MYRIP: variants seen among roughly 807,000 people sequenced by gnomAD.
MYRIP encodes the protein rab effector MyRIP.
Under a neutral mutation model 98.0 loss-of-function variants are expected in MYRIP, and 49 were observed. The ratio of observed to expected loss-of-function variants is 0.50; its 90% CI spans 0.40 to 0.63. The LOEUF (loss-of-function observed/expected upper bound fraction) is 0.63. Among genes scored for constraint, MYRIP ranks in the 30% least tolerant of loss-of-function variants. The probability of loss-of-function intolerance (pLI) is 0.00; values close to 1 mark genes in which losing one functional copy is unlikely to be tolerated. For missense variants in MYRIP, 1,004 were observed against 1,058.2 expected (o/e 0.95, Z 0.71); for synonymous variants, 404 against 409.5 (o/e 0.99, Z 0.16).
intron 10 of MYRIP, among the ~76,000 whole-genome samples, chr3:40,199,827 A>G (rs1951503089): frequency 6.6e-6 from 1 of 152,058 alleles, no homozygotes; most frequent in South Asian, 2.1e-4. Context: ...ATAAAAATAA[A>G]GAGAAGACAA....
chr3:40,040,857 G>A (rs1947498570), intron 2 of MYRIP, among the ~76,000 whole-genome samples: 1 of 61,524 alleles, frequency 1.6e-5, no homozygotes. Flanking sequence ...GGGAGGGATA[G>A]CATTGGGAGA....
intron 3 of MYRIP, among the ~76,000 whole-genome samples, chr3:40,081,209 TG>T (rs1948471997): frequency 6.6e-6 from 1 of 152,186 alleles, no homozygotes; most frequent in South Asian, 2.1e-4. Context: ...TATATATTCA[TG>T]AATTTTTGAG....
Position 40,258,444 on chromosome 3 carries a change from A to T in MYRIP, c.*278A>T. On this transcript the variant is annotated 3_prime_UTR_variant, in exon 17 of 17. Transcript: ENST00000302541. Reference sequence around the variant, plus strand: ...CCAACAGCAGCGCTCCATGTTTAAGATACATATTTTCCCTGTTTGCTTTGC... The same window carrying T: ...CCAACAGCAGCGCTCCATGTTTAAGTTACATATTTTCCCTGTTTGCTTTGC... 2.4e-6 allele frequency: 1 copy of T among 413,436 alleles called. No individual in the cohort carries two copies. The highest frequency in any genetic ancestry group is 6.6e-5 in the South Asian group (1 of 15,186). The allele number at this position is 413,436 out of a possible 1,614,324, so 25.6% of individuals were successfully genotyped here.
At chr3:39,982,214 G>A (rs1945912670) in intron 2 of MYRIP, among the ~76,000 whole-genome samples, 1 of 152,178 alleles carries the variant, frequency 6.6e-6, no homozygotes, top group Non-Finnish European at 1.5e-5. Context: ...TAGTAGGTGG[G>A]TAAGTTTATC....
intron 8 of MYRIP, among the ~76,000 whole-genome samples, chr3:40,176,496 T>C (rs531953177): frequency 5.3e-5 from 8 of 152,264 alleles, no homozygotes; most frequent in African/African-American, 1.7e-4. Flanking sequence ...ATGCCTGTAA[T>C]CCTAGCACTT....
At chr3:40,066,775 G>A (rs773304454) in intron 3 of MYRIP, among the ~76,000 whole-genome samples, 1 of 152,152 alleles carries the variant, frequency 6.6e-6, no homozygotes, top group African/African-American at 2.4e-5. Flanking sequence ...GCAAATGAAT[G>A]ATTAAAATAT....
chr3:39,961,112 A>T (rs1945313963), intron 2 of MYRIP, among the ~76,000 whole-genome samples: 1 of 152,156 alleles, frequency 6.6e-6, no homozygotes, highest in Non-Finnish European at 1.5e-5. Flanking sequence ...TGCAAGTTGA[A>T]TTCTGGAAGG....
intron 7 of MYRIP, among the ~76,000 whole-genome samples, chr3:40,167,905 C>T (rs538282727): frequency 5.9e-5 from 9 of 152,198 alleles, no homozygotes; most frequent in Non-Finnish European, 7.3e-5. Flanking sequence ...AGCTTCCATG[C>T]TCTCTCTGTG....
intron 2 of MYRIP, among the ~76,000 whole-genome samples, chr3:40,002,272 T>C (rs1225796501): frequency 2.6e-5 from 4 of 152,188 alleles, no homozygotes; most frequent in Non-Finnish European, 5.9e-5. Context: ...TGGTGGCTCA[T>C]ACCTGTAAAC....
At chr3:40,175,186 C>A (rs1950724936) in intron 8 of MYRIP, among the ~76,000 whole-genome samples, 1 of 152,150 alleles carries the variant, frequency 6.6e-6, no homozygotes, top group African/African-American at 2.4e-5. Context: ...AGAGCTTCCA[C>A]TGTCCCAAAT....
chr3:40,194,665 T>C (rs964331098), intron 10 of MYRIP, among the ~76,000 whole-genome samples: 13 of 152,192 alleles, frequency 8.5e-5, no homozygotes, highest in Non-Finnish European at 1.3e-4. Flanking sequence ...TTCAGAATAA[T>C]TGATATCTCT....
At chr3:39,840,932 A>G (rs1941780089) in intron 1 of MYRIP, among the ~76,000 whole-genome samples, 1 of 152,084 alleles carries the variant, frequency 6.6e-6, no homozygotes, top group South Asian at 2.1e-4. Context: ...TCTGAAAATT[A>G]TGTGTCTTGG....
intron 1 of MYRIP, among the ~76,000 whole-genome samples, chr3:39,819,690 G>A (rs1211897682): frequency 1.3e-5 from 2 of 152,324 alleles, no homozygotes; most frequent in Non-Finnish European, 1.5e-5. Context: ...CACCACCAGA[G>A]GGTTAGTGAG....
chr3:40,102,673 G>A (rs965865260), intron 3 of MYRIP, among the ~76,000 whole-genome samples: 1 of 152,066 alleles, frequency 6.6e-6, no homozygotes, highest in African/African-American at 2.4e-5. Flanking sequence ...AGTGGTACAA[G>A]ATGTGATTTC....
chr3:39,890,181 C>T (rs1210186270), intron 1 of MYRIP, among the ~76,000 whole-genome samples: 2 of 151,606 alleles, frequency 1.3e-5, no homozygotes, highest in Non-Finnish European at 2.9e-5. Context: ...TTTTTTTTCC[C>T]CCATTTTCCT....
intron 1 of MYRIP, among the ~76,000 whole-genome samples, chr3:39,890,222 C>G (rs528919867): frequency 3.6e-4 from 54 of 152,034 alleles, no homozygotes; most frequent in African/African-American, 1.3e-3. Flanking sequence ...TCTTCATCTG[C>G]TGTTGCCACT....
At chr3:39,931,181 C>A (rs1944529007) in intron 2 of MYRIP, among the ~76,000 whole-genome samples, 1 of 151,956 alleles carries the variant, frequency 6.6e-6, no homozygotes, top group Non-Finnish European at 1.5e-5. Context: ...CATGGGATAT[C>A]TTTCCATTTA....
chr3:40,079,275 G>A (rs563690043), intron 3 of MYRIP, among the ~76,000 whole-genome samples: 1 of 152,318 alleles, frequency 6.6e-6, no homozygotes, highest in East Asian at 1.9e-4. Flanking sequence ...AGGCTATCCT[G>A]GGCAACTGGG....
At chr3:39,904,535 C>A (rs576799017) in intron 2 of MYRIP, among the ~76,000 whole-genome samples, 1 of 151,974 alleles carries the variant, frequency 6.6e-6, no homozygotes, top group Non-Finnish European at 1.5e-5. Context: ...TGCGCCTGGT[C>A]GTGTTTTTTT....
Sources: gnomAD v4.1 joint callset for allele counts (sites outside exome capture counted in the v4.1 genomes callset) on GRCh38, gnomAD v4.1.1 for gene constraint, MANE v1.5 for transcripts, NCBI Gene and HGNC (gene_info 2026-07-23, HGNC 2026-07-21) for gene names.